DNAH5: variants seen among roughly 807,000 people sequenced by gnomAD.
DNAH5 encodes the protein dynein axonemal heavy chain 5, also known as axonemal beta dynein heavy chain 5.
A neutral mutation model predicts 518.2 loss-of-function variants in DNAH5; 372 were observed. The ratio of observed to expected loss-of-function variants is 0.72; its 90% confidence interval spans 0.66 to 0.78. The LOEUF (loss-of-function observed/expected upper bound fraction) is 0.78, where lower values mean the gene tolerates loss of function less well. Ranked by LOEUF, DNAH5 falls within the 30% of genes least tolerant of loss-of-function variation. The probability of loss-of-function intolerance (pLI) is 0.00; values close to 1 mark genes in which losing one functional copy is unlikely to be tolerated. For missense variants in DNAH5, 5,523 were observed against 5,687.0 expected, an observed-to-expected ratio of 0.97 and a Z score of 0.93; for synonymous variants, 2,039 against 2,025.9, an observed-to-expected ratio of 1.01 and a Z score of -0.17.
rs769267893 is a variant in DNAH5 at position 13,928,180 on chromosome 5, T to C, written c.193-2A>G. On this transcript the variant is annotated splice_acceptor_variant, in intron 2 of 78. Transcript: ENST00000265104. LOFTEE classifies it high-confidence loss of function. ...AAAAAGTTGATCAATTCTTTCAATC[T>C]GGGAAAAAGAAAAAGGCAAGATAAT... 1.2e-6 allele frequency: 2 copies of C among 1,610,514 alleles called. No individual in the cohort carries two copies. The highest frequency in any genetic ancestry group is 1.7e-6 in the Non-Finnish European group (2 of 1,176,900).
intron 12 of DNAH5, among the ~76,000 whole-genome samples, chr5:13,906,873 G>C (rs73057757): frequency 0.015 from 2,324 of 151,816 alleles, 66 homozygotes; most frequent in African/African-American, 0.053. Context: ...ATTTTAAAGA[G>C]AAAAAGAAAA....
Position 13,727,550 on chromosome 5 carries a change from A to C in DNAH5, c.11990T>G (p.Leu3997Arg). The change falls in exon 70 of 79, where the codon CTT (leucine) becomes CGT (arginine). Residue 3997 changes from leucine to arginine, a missense_variant. Transcript: ENST00000265104. Reference protein sequence around the residue: ...YDKSLDCFRRLLLIRSWCPDR... With the variant: ...YDKSLDCFRRRLLIRSWCPDR... ...AGGACACCAGGATCTAATAAGGAGAAGACGTCTGAAGCAGTCAAGAGATTT... is the reference window on the plus strand; with the variant it reads ...AGGACACCAGGATCTAATAAGGAGACGACGTCTGAAGCAGTCAAGAGATTT... 1.2e-6 allele frequency: 2 copies of C among 1,613,894 alleles called. No homozygotes were observed. The highest frequency in any genetic ancestry group is 1.7e-6 in the Non-Finnish European group (2 of 1,179,808).
intron 68 of DNAH5, among the ~76,000 whole-genome samples, chr5:13,731,365 C>T (rs1746522344): frequency 1.3e-5 from 2 of 152,168 alleles, no homozygotes; most frequent in African/African-American, 4.8e-5. Context: ...AAGACATCCA[C>T]CAGAGGGTTA....
intron 1 of DNAH5, among the ~76,000 whole-genome samples, chr5:13,996,575 G>T (rs1783971694): frequency 6.6e-6 from 1 of 152,194 alleles, no homozygotes; most frequent in African/African-American, 2.4e-5. Context: ...GGAGTAATAG[G>T]AAAGAAGAAA....
At chr5:13,776,834 T>C (rs779203906) in intron 54 of DNAH5, 128 bp from the exon 55 acceptor site, 1 of 1,036,072 alleles carries the variant, frequency 9.7e-7, no homozygotes, top group Non-Finnish European at 1.4e-6. Flanking sequence ...AAATTGAAAG[T>C]TTTCAAGATG....
chr5:13,706,756 G>A (rs1029631322), intron 76 of DNAH5, among the ~76,000 whole-genome samples: 23 of 152,158 alleles, frequency 1.5e-4, no homozygotes, highest in Non-Finnish European at 1.5e-5. Context: ...AACCGTATCT[G>A]TCTTTAGCAC....
At chr5:13,708,788 C>T (rs1056492256) in intron 75 of DNAH5, among the ~76,000 whole-genome samples, 9 of 152,166 alleles carry the variant, frequency 5.9e-5, no homozygotes, top group African/African-American at 2.2e-4. Flanking sequence ...TCAAAGCATC[C>T]ATCCATCCCC....
At position 13,882,856 on chromosome 5, in the gene DNAH5, TA is replaced by T; in HGVS notation, c.3175-42del. The T allele has an allele frequency of 1.2e-6, 2 of 1,613,634 alleles. 1 individual carries two copies. The highest frequency in any genetic ancestry group is 2.2e-5 in the South Asian group (2 of 91,070). ...ATATTTTTCAGTTCTGTCCTATCTG[TA>T]AAAGAAGTGGTTTCCATATGAAACC... On this transcript the variant is annotated intron_variant, in intron 20 of 78. Coordinates refer to ENST00000265104, the MANE Select transcript of DNAH5 (RefSeq NM_001369.3).
intron 76 of DNAH5, among the ~76,000 whole-genome samples, chr5:13,703,939 G>A (rs1742451992): frequency 1.3e-5 from 2 of 152,174 alleles, no homozygotes; most frequent in South Asian, 4.1e-4. Context: ...AATCCAGAAA[G>A]TCTAGACCTG....
Position 13,691,544 on chromosome 5 carries a change from C to T in DNAH5, c.*440G>A, listed in dbSNP as rs1740688835. ...GAAACCCTGAAAATAAGTCTCTTAA[C>T]TTGACCTAAATACGAAAGGCAATAG... On this transcript the variant is annotated 3_prime_UTR_variant, in exon 79 of 79. Coordinates refer to ENST00000265104, the MANE Select transcript of DNAH5 (RefSeq NM_001369.3). The T allele has an allele frequency of 6.2e-6, 1 of 160,326 alleles. No individual in the cohort carries two copies. The highest frequency in any genetic ancestry group is 6.1e-5 in the Admixed American group (1 of 16,356). The allele number at this position is 160,326 out of a possible 1,614,324, so 9.9% of individuals were successfully genotyped here.
At chr5:13,814,867 G>T in intron 42 of DNAH5, 21 bp from the exon 43 acceptor site, 1 of 1,504,832 alleles carries the variant, frequency 6.6e-7, no homozygotes. Flanking sequence ...CCACCAAAGG[G>T]AAAAAAAAAA....
At chr5:13,731,232 TA>T (rs2126585264) in intron 68 of DNAH5, among the ~76,000 whole-genome samples, 1 of 152,350 alleles carries the variant, frequency 6.6e-6, no homozygotes, top group African/African-American at 2.4e-5. Context: ...AAGAAAATAT[TA>T]GCTCGTAAAA....
rs759339347 is a variant in DNAH5 at position 13,708,209 on chromosome 5, T to G, written c.13252A>C (p.Ile4418Leu). ...TCGCTCATGATGATGGTGCCATCAA[T>G]AGCAAGTTTCAGCTCAGTGAGGGTG... ...RSTLTELKLA[I>L]DGTIIMSENL... Residue 4418 changes from isoleucine (I) to leucine (L), a missense_variant, in exon 76 of 79, where the codon ATT (isoleucine) becomes CTT (leucine). Transcript: ENST00000265104. The G allele has an allele frequency of 1.9e-6, 3 of 1,614,062 alleles. No homozygotes were observed. In the South Asian group the frequency reaches 3.3e-5, roughly 18 times the overall value.
intron 78 of DNAH5, among the ~76,000 whole-genome samples, chr5:13,696,610 A>G (rs537330005): frequency 6.5e-4 from 99 of 152,348 alleles, no homozygotes; most frequent in African/African-American, 2.3e-3. Context: ...TCCAATTTTT[A>G]AATGCTGCAC....
intron 1 of DNAH5, among the ~76,000 whole-genome samples, chr5:13,964,212 T>G (rs1455449656): frequency 6.6e-6 from 1 of 152,104 alleles, no homozygotes; most frequent in African/African-American, 2.4e-5. Flanking sequence ...GCACCCCAGA[T>G]AGGACTCAGA....
At chr5:13,962,924 C>T (rs1781279656) in intron 1 of DNAH5, among the ~76,000 whole-genome samples, 1 of 152,124 alleles carries the variant, frequency 6.6e-6, no homozygotes, top group South Asian at 2.1e-4. Context: ...GCCAGCCTCA[C>T]AGGTAAGTGC....
exon 1 of DNAH5, among the ~76,000 whole-genome samples, chr5:14,011,742 C>A (rs1270657320): frequency 6.6e-6 from 1 of 152,158 alleles, no homozygotes; most frequent in Admixed American, 6.5e-5. Context: ...CGCGCCCTGC[C>A]CTCGTCTGCT....
chr5:13,968,323 G>T (rs1261520028), intron 1 of DNAH5, among the ~76,000 whole-genome samples: 1 of 152,066 alleles, frequency 6.6e-6, no homozygotes, highest in Non-Finnish European at 1.5e-5. Context: ...TTGTCTGACT[G>T]CTCTGGCTAG....
Position 13,850,191 on chromosome 5 carries a change from A to G in DNAH5, c.5114+461T>C, listed in dbSNP as rs139570846. 3.6e-3 allele frequency among the ~76,000 whole-genome samples: 551 copies of G among 152,314 alleles called. 4 individuals carry two copies. Among genetic ancestry groups the G allele is most frequent in the African/African-American group, 0.013 (529 of 41,562 alleles). ...AAAGGAAAAAAAAACAAACAAAAAAACTTTATGACTCTTGGAATTCACAAC... is the reference window on the plus strand; with the variant it reads ...AAAGGAAAAAAAAACAAACAAAAAAGCTTTATGACTCTTGGAATTCACAAC... On this transcript the variant is annotated intron_variant, in intron 31 of 78. Transcript: ENST00000265104.
Sources: allele counts gnomAD v4.1 joint callset (sites outside exome capture counted in the v4.1 genomes callset), GRCh38; gene constraint gnomAD v4.1.1; transcripts MANE v1.5; gene names NCBI Gene and HGNC (gene_info 2026-07-23, HGNC 2026-07-21).